The following BCAS3 variants were observed in gnomAD, a reference collection of about 807,000 sequenced individuals.
The protein encoded by BCAS3 is BCAS3 microtubule associated cell migration factor.
A neutral mutation model predicts 116.1 loss-of-function variants in BCAS3; 53 were observed. The ratio of observed to expected loss-of-function variants is 0.46; its 90% confidence interval spans 0.37 to 0.57. The LOEUF (loss-of-function observed/expected upper bound fraction) is 0.57. Among genes scored for constraint, BCAS3 ranks in the 20% least tolerant of loss-of-function variants. The pLI, the probability that BCAS3 is intolerant of heterozygous loss-of-function variation, is 0.00. For missense variants in BCAS3, 917 were observed against 1,165.4 expected, an observed-to-expected ratio of 0.79 and a Z score of 3.10; for synonymous variants, 391 against 408.2, an observed-to-expected ratio of 0.96 and a Z score of 0.51.
intron 4 of BCAS3, among the ~76,000 whole-genome samples, chr17:60,692,258 G>A (rs1348547030): frequency 6.6e-6 from 1 of 151,824 alleles, no homozygotes; most frequent in Non-Finnish European, 1.5e-5. Flanking sequence ...ATTTATTTTT[G>A]AGATGGAGTC....
intron 22 of BCAS3, among the ~76,000 whole-genome samples, chr17:61,103,372 A>G (rs1185796654): frequency 6.6e-6 from 1 of 152,128 alleles, no homozygotes; most frequent in Non-Finnish European, 1.5e-5. Context: ...TTAGTAAGGA[A>G]TATGTTGACA....
At position 61,023,189 on chromosome 17, in the gene BCAS3, A is replaced by G. The variant is rs1458731414; in HGVS notation, c.1637+7288A>G. The stretch of plus-strand genomic sequence containing the variant: ...CAAGTTCACTTCAGTTGTTGTTTTA[A>G]CAGAGGGCACACAGAATTTAGAAGT... On this transcript the variant is annotated intron_variant, in intron 16 of 23. Transcript: ENST00000407086. The surrounding 1 kb of genome is among the most constrained non-coding windows in gnomAD (Gnocchi z 4.8). Among the ~76,000 whole-genome samples the G allele has an allele frequency of 6.6e-6, 1 of 152,220 alleles. No homozygotes were observed. Among genetic ancestry groups the G allele is most frequent in the Non-Finnish European group, 1.5e-5 (1 of 68,022 alleles).
intron 16 of BCAS3, among the ~76,000 whole-genome samples, chr17:61,018,544 C>G (rs969141330): frequency 6.6e-6 from 1 of 152,034 alleles, no homozygotes; most frequent in Non-Finnish European, 1.5e-5. Flanking sequence ...TCAAGTGATC[C>G]ACCTGCCTCG....
At chr17:61,109,439 CT>C (rs1225139455) in intron 22 of BCAS3, among the ~76,000 whole-genome samples, 2 of 152,064 alleles carry the variant, frequency 1.3e-5, no homozygotes, top group African/African-American at 2.4e-5. Flanking sequence ...TACATAATGA[CT>C]TCTTTTCCTC....
At chr17:60,767,782 T>A (rs1463122280) in intron 6 of BCAS3, among the ~76,000 whole-genome samples, 1 of 152,060 alleles carries the variant, frequency 6.6e-6, no homozygotes, top group Non-Finnish European at 1.5e-5. Context: ...TCGAGTTGCT[T>A]CTTCCAATTT....
chr17:61,026,226 A>C lies in BCAS3; in HGVS notation c.1638-8440A>C, dbSNP rs913064654. Among the ~76,000 whole-genome samples the C allele has an allele frequency of 6.6e-6, 1 of 152,128 alleles. No individual in the cohort carries two copies. ...GTACTAACCTAATCTAGTGCAGACC[A>C]GGTAAAGGAAGCTAACCTCTTAGAC... On this transcript the variant is annotated intron_variant, in intron 16 of 23. Coordinates refer to ENST00000407086, the MANE Select transcript of BCAS3 (RefSeq NM_017679.5). The surrounding 1 kb of genome is among the most constrained non-coding windows in gnomAD (Gnocchi z 5.0).
intron 12 of BCAS3, among the ~76,000 whole-genome samples, chr17:60,921,789 C>A (rs2059116311): frequency 6.6e-6 from 1 of 151,454 alleles, no homozygotes; most frequent in South Asian, 2.1e-4. Flanking sequence ...TGCACATGCA[C>A]CCCTTGTATC....
chr17:60,684,461 C>T (rs1010688351), intron 3 of BCAS3, among the ~76,000 whole-genome samples: 5 of 151,968 alleles, frequency 3.3e-5, no homozygotes, highest in African/African-American at 1.2e-4. Flanking sequence ...TTTATGCCAA[C>T]TAAGGTATCC....
At position 61,224,245 on chromosome 17, in the gene BCAS3, T is replaced by C. The variant is rs1223503111; in HGVS notation, c.2425+139681T>C. Among the ~76,000 whole-genome samples, 1 of 152,250 alleles carries C rather than the reference T, an allele frequency of 6.6e-6. No homozygotes were observed. Among genetic ancestry groups the C allele is most frequent in the African/African-American group, 2.4e-5 (1 of 41,468 alleles). ...GGGAAGATATACAAAGTAAAGTTCT[T>C]GTTAGCAGGAAGATGGACTGAGTAT... On this transcript the variant is annotated intron_variant, in intron 22 of 23. Transcript: ENST00000407086. This position sits in a 1 kb window ranked among gnomAD's most constrained non-coding sequence, Gnocchi z 5.7.
rs1195259039 is a variant in BCAS3 at position 61,344,520 on chromosome 17, A to C, written c.2426-23807A>C. 6.6e-6 allele frequency among the ~76,000 whole-genome samples: 1 copy of C among 152,302 alleles called. No individual in the cohort carries two copies. Among genetic ancestry groups the C allele is most frequent in the African/African-American group, 2.4e-5 (1 of 41,556 alleles). On this transcript the variant is annotated intron_variant, in intron 22 of 23. Coordinates refer to ENST00000407086, the MANE Select transcript of BCAS3 (RefSeq NM_017679.5). The surrounding 1 kb of genome is among the most constrained non-coding windows in gnomAD (Gnocchi z 4.1). Reference sequence around the variant, plus strand: ...GAGGGTACCATGGAGAGCAAAGTAGATGATATCTCTGCCCCCATGGGGCTT... The same window carrying C: ...GAGGGTACCATGGAGAGCAAAGTAGCTGATATCTCTGCCCCCATGGGGCTT...
At chr17:60,738,759 T>A (rs1440536699) in intron 5 of BCAS3, among the ~76,000 whole-genome samples, 1 of 152,166 alleles carries the variant, frequency 6.6e-6, no homozygotes, top group Non-Finnish European at 1.5e-5. Flanking sequence ...TTTGTATTTT[T>A]AAAAGTTTTT....
chr17:60,777,871 C>T (rs1228670602), intron 6 of BCAS3, among the ~76,000 whole-genome samples: 1 of 152,100 alleles, frequency 6.6e-6, no homozygotes, highest in Non-Finnish European at 1.5e-5. Flanking sequence ...TTTGTTGCTG[C>T]CTTTCTTTCT....
Position 61,196,332 on chromosome 17 carries a change from G to A in BCAS3, c.2425+111768G>A. On this transcript the variant is annotated intron_variant, in intron 22 of 23. Coordinates refer to ENST00000407086, the MANE Select transcript of BCAS3 (RefSeq NM_017679.5). The surrounding 1 kb of genome is among the most constrained non-coding windows in gnomAD (Gnocchi z 4.7). ...TGCATCCATTGTCTGAACTGTCACA[G>A]CAATAGCGCGTAAAGCTGTTTGCAT... is the stretch of plus-strand genomic sequence containing the variant. Among the ~76,000 whole-genome samples the A allele has an allele frequency of 6.6e-6, 1 of 152,234 alleles. No homozygotes were observed. The highest frequency in any genetic ancestry group is 1.5e-5 in the Non-Finnish European group (1 of 68,036).
intron 22 of BCAS3, among the ~76,000 whole-genome samples, chr17:61,357,506 G>A (rs1395986977): frequency 3.4e-5 from 5 of 148,902 alleles, no homozygotes; most frequent in South Asian, 2.1e-4. Context: ...GTGCAGTGGC[G>A]CGATCTCGGC....
chr17:60,767,075 A>G (rs1484427382), intron 6 of BCAS3, among the ~76,000 whole-genome samples: 1 of 152,174 alleles, frequency 6.6e-6, no homozygotes, highest in Non-Finnish European at 1.5e-5. Context: ...TTTAGGTGGC[A>G]GTGTCCTGAT....
intron 16 of BCAS3, among the ~76,000 whole-genome samples, chr17:61,033,436 C>T (rs1258264629): frequency 6.6e-6 from 1 of 152,084 alleles, no homozygotes; most frequent in Admixed American, 6.6e-5. Context: ...TTCTATTTTA[C>T]ATATTAGTAG....
chr17:61,338,213 T>C (rs2056872673), intron 22 of BCAS3, among the ~76,000 whole-genome samples: 2 of 152,248 alleles, frequency 1.3e-5, no homozygotes, highest in African/African-American at 4.8e-5. Flanking sequence ...CTTTCAACTT[T>C]GAAATATTTC....
chr17:61,045,004 C>T (rs1178390401), intron 19 of BCAS3, among the ~76,000 whole-genome samples: 1 of 151,922 alleles, frequency 6.6e-6, no homozygotes, highest in Non-Finnish European at 1.5e-5. Flanking sequence ...TTGTGATCCA[C>T]CCCGTCTCTG....
At chr17:61,174,211 A>G (rs2079013203) in intron 22 of BCAS3, among the ~76,000 whole-genome samples, 1 of 152,242 alleles carries the variant, frequency 6.6e-6, no homozygotes, top group African/African-American at 2.4e-5. Flanking sequence ...TATTAACTGT[A>G]TGAACAGCAA....
Sources: allele counts gnomAD v4.1 joint callset (sites outside exome capture counted in the v4.1 genomes callset), GRCh38; gene constraint gnomAD v4.1.1; non-coding constraint Gnocchi (gnomAD v3.1); transcripts MANE v1.5; gene names NCBI Gene and HGNC (gene_info 2026-07-23, HGNC 2026-07-21).